Variants in EVI5L observed in about 807,000 individuals in gnomAD.
EVI5L encodes the protein EVI5-like protein.
In EVI5L, 30 loss-of-function variants were observed where a neutral mutation model predicts 106.1. That is an observed-to-expected ratio of 0.28 (90% CI 0.21 to 0.38). EVI5L has a LOEUF of 0.38. Ranked by LOEUF, EVI5L falls within the 10% of genes least tolerant of loss-of-function variation. EVI5L has a pLI of 1.00. For missense variants in EVI5L, 809 were observed against 1,098.0 expected, an observed-to-expected ratio of 0.74 and a Z score of 3.72; for synonymous variants, 489 against 483.3, an observed-to-expected ratio of 1.01 and a Z score of -0.15.
chr19:7,846,712 T>A (rs1488156775), intron 2 of EVI5L, 33 bp downstream of exon 2: 1 of 1,604,142 alleles, frequency 6.2e-7, no homozygotes, highest in East Asian at 2.2e-5. Context: ...GGGTGAAATC[T>A]TGGGGTGCAG....
intron 10 of EVI5L, among the ~76,000 whole-genome samples, chr19:7,854,281 CAA>C (rs56186481): frequency 1.5e-4 from 14 of 94,724 alleles, no homozygotes; most frequent in East Asian, 3.4e-4. Flanking sequence ...GACTGTGTCT[CAA>C]AAAAAAAAAA....
Position 7,862,368 on chromosome 19 carries a change from T to G in EVI5L, c.1801-20T>G. The stretch of plus-strand genomic sequence containing the variant: ...CCCTGACCGCCGCCGTCCTCCGTCC[T>G]CCCTTCCTCCCTATCCCAGGACCAC... On this transcript the variant is annotated intron_variant, in intron 16 of 19. Transcript: ENST00000538904. 6.3e-7 allele frequency: 1 copy of G among 1,587,600 alleles called. No homozygotes were observed. Among genetic ancestry groups the G allele is most frequent in the Non-Finnish European group, 8.6e-7 (1 of 1,165,670 alleles).
chr19:7,848,052 G>C lies in EVI5L; in HGVS notation c.327+131G>C. On this transcript the variant is annotated intron_variant, in intron 3 of 19. Coordinates refer to ENST00000538904, the MANE Select transcript of EVI5L (RefSeq NM_001159944.3). This position sits in a 1 kb window ranked among gnomAD's most constrained non-coding sequence, Gnocchi z 4.8. ...CAGCGGCAGCAGTGGAGATGTGCAG[G>C]CACTTTCAGGGTGTCCTGCCAGAGC... The C allele has an allele frequency of 3.0e-6, 3 of 986,556 alleles. No homozygotes were observed. Among genetic ancestry groups the C allele is most frequent in the Non-Finnish European group, 4.4e-6 (3 of 687,388 alleles). 61.1% of individuals were successfully genotyped at this position (986,556 alleles called of 1,614,324 possible).
chr19:7,849,416 T>A, intron 5 of EVI5L, 86 bp downstream of exon 5: 1 of 1,433,734 alleles, frequency 7.0e-7, no homozygotes, highest in Admixed American at 1.8e-5. Flanking sequence ...AAGTGGCGTG[T>A]CCTCCACCCA....
chr19:7,863,590 G>A lies in EVI5L; in HGVS notation c.2306G>A (p.Arg769His). ...GACGCATTGTACCCTCTGTCCCCGC[G>A]CGATGCGCGCTTCTTCCGCCGTCTG... ...LQDALYPLSP[R>H]DARFFRRLER... The change falls in exon 20 of 20, where the codon CGC becomes CAC. Residue 769 changes from arginine (R) to histidine (H), a missense_variant. Transcript: ENST00000538904. This position sits in a 1 kb window ranked among gnomAD's most constrained non-coding sequence, Gnocchi z 7.7. The A allele has an allele frequency of 1.9e-6, 3 of 1,585,748 alleles. No individual in the cohort carries two copies. The highest frequency in any genetic ancestry group is 2.6e-6 in the Non-Finnish European group (3 of 1,166,820).
chr19:7,858,132 C>G lies in EVI5L; in HGVS notation c.1234-59C>G, dbSNP rs1294269739. On this transcript the variant is annotated intron_variant, in intron 12 of 19. Transcript: ENST00000538904. The surrounding 1 kb of genome is among the most constrained non-coding windows in gnomAD (Gnocchi z 5.7). Reference sequence around the variant, plus strand: ...CCTCCCCCTGTGGCGGGAGGCAGGGCCTTGGGTGGGAGCCGAGGGTCACGG... The same window carrying G: ...CCTCCCCCTGTGGCGGGAGGCAGGGGCTTGGGTGGGAGCCGAGGGTCACGG... 1.2e-5 allele frequency: 19 copies of G among 1,527,462 alleles called. No homozygotes were observed. Among genetic ancestry groups the G allele is most frequent in the Non-Finnish European group, 1.7e-5 (19 of 1,134,796 alleles). 94.6% of individuals were successfully genotyped at this position (1,527,462 alleles called of 1,614,324 possible).
At chr19:7,836,644 AT>A (rs573479214) in intron 1 of EVI5L, among the ~76,000 whole-genome samples, 2,244 of 144,354 alleles carry the variant, frequency 0.016, 29 homozygotes, top group Middle Eastern at 0.029. Flanking sequence ...TATTTTTTTC[AT>A]TTTTTTTTTT....
chr19:7,862,911 G>C, intron 17 of EVI5L, 61 bp from the exon 18 acceptor site: 67 of 1,094,262 alleles, frequency 6.1e-5, no homozygotes, highest in South Asian at 2.3e-4. Flanking sequence ...CCGCGGTCCC[G>C]CCCCCTGATG....
chr19:7,858,108 C>T lies in EVI5L; in HGVS notation c.1234-83C>T. ...TTCCCCCCACCTCCACTCTCTGGGC[C>T]TCCCCCTGTGGCGGGAGGCAGGGCC... On this transcript the variant is annotated intron_variant, in intron 12 of 19. Coordinates refer to ENST00000538904, the MANE Select transcript of EVI5L (RefSeq NM_001159944.3). The surrounding 1 kb of genome is among the most constrained non-coding windows in gnomAD (Gnocchi z 5.7). 1.3e-6 allele frequency: 2 copies of T among 1,499,568 alleles called. No homozygotes were observed. The highest frequency in any genetic ancestry group is 2.5e-5 in the East Asian group (1 of 40,420). 92.9% of individuals were successfully genotyped at this position (1,499,568 alleles called of 1,614,324 possible). A position where few individuals can be genotyped will look rare whatever the true frequency, so the allele number is the denominator to read the frequency against.
Position 7,835,929 on chromosome 19 carries a change from A to T in EVI5L, c.-48+5548A>T, listed in dbSNP as rs753610833. Among the ~76,000 whole-genome samples, 4 of 152,012 alleles carry T rather than the reference A, an allele frequency of 2.6e-5. No individual in the cohort carries two copies. The highest frequency in any genetic ancestry group is 9.7e-5 in the African/African-American group (4 of 41,414). ...TCTGTGTCCCTGGTAATCATTAGAC[A>T]TGGAGGAATCAGAAATGGGGGGTAG... On this transcript the variant is annotated intron_variant, in intron 1 of 19. Coordinates refer to ENST00000538904, the MANE Select transcript of EVI5L (RefSeq NM_001159944.3). This position sits in a 1 kb window ranked among gnomAD's most constrained non-coding sequence, Gnocchi z 4.1.
chr19:7,863,029 G>A lies in EVI5L; in HGVS notation c.2005G>A (p.Ala669Thr). The change falls in exon 18 of 20, where the codon GCC becomes ACC. Residue 669 changes from alanine (A) to threonine (T), a missense_variant. Transcript: ENST00000538904. The surrounding 1 kb of genome is among the most constrained non-coding windows in gnomAD (Gnocchi z 7.7). ...GGAGGCGGACAGCATGGCTGCGGTG[G>A]CCGAGATGCGGCAGCGCATTGCCGA... ...LREADSMAAV[A>T]EMRQRIAELE... The A allele has an allele frequency of 2.5e-6, 4 of 1,579,654 alleles. No individual in the cohort carries two copies. The highest frequency in any genetic ancestry group is 3.4e-6 in the Non-Finnish European group (4 of 1,170,228).
At chr19:7,851,909 C>G in intron 8 of EVI5L, 139 bp downstream of exon 8, 1 of 740,462 alleles carries the variant, frequency 1.4e-6, no homozygotes, top group Non-Finnish European at 2.0e-6. Context: ...CTGTTCCCAT[C>G]CACTCTGTTC....
chr19:7,855,957 G>A (rs562877968), intron 10 of EVI5L, 58 bp from the exon 11 acceptor site: 18 of 1,309,808 alleles, frequency 1.4e-5, no homozygotes, highest in Admixed American at 3.1e-5. Context: ...TAAATGAGGG[G>A]TGCATGTAGA....
At position 7,857,152 on chromosome 19, in the gene EVI5L, G is replaced by C; in HGVS notation, c.1233+28G>C. On this transcript the variant is annotated intron_variant, in intron 12 of 19. Transcript: ENST00000538904. The surrounding 1 kb of genome is among the most constrained non-coding windows in gnomAD (Gnocchi z 4.5). ...ACTGTAGCTTTTTATCCCCTCTCCG[G>C]ATTCCTTCCTGGCCCCTTCCCTGCA... The C allele has an allele frequency of 6.4e-7, 1 of 1,551,276 alleles. No homozygotes were observed. Among genetic ancestry groups the C allele is most frequent in the African/African-American group, 1.4e-5 (1 of 73,144 alleles).
chr19:7,853,144 A>G lies in EVI5L; in HGVS notation c.1046A>G (p.Lys349Arg), dbSNP rs748363489. Residue 349 changes from lysine to arginine, a missense_variant, in exon 9 of 20, where the codon AAA (lysine) becomes AGA (arginine). Lys to Arg is a conservative substitution (Grantham distance 26). This residue lies in a region of EVI5L where 357 missense variants were observed against 588.1 expected (regional missense o/e 0.61). Coordinates refer to ENST00000538904, the MANE Select transcript of EVI5L (RefSeq NM_001159944.3). ...AGCTGCCCGGACAAGCTGGTCCTCA[A>G]AGCCTACCAGGTCAAGTACAACCCC... ...FDSCPDKLVLKAYQVKYNPKK... is the reference protein window; with the variant it reads ...FDSCPDKLVLRAYQVKYNPKK... The G allele has an allele frequency of 3.1e-6, 5 of 1,614,026 alleles. No individual in the cohort carries two copies. In the South Asian group the frequency reaches 5.5e-5, roughly 18 times the overall value.
intron 1 of EVI5L, among the ~76,000 whole-genome samples, chr19:7,839,258 G>T (rs1044231147): frequency 2.7e-5 from 4 of 148,056 alleles, no homozygotes; most frequent in African/African-American, 1.0e-4. Context: ...AGCCGAGATC[G>T]CGCCACTGCA....
intron 10 of EVI5L, chr19:7,853,571 G>A (rs955569201): frequency 1.1e-4 from 64 of 592,270 alleles, no homozygotes; most frequent in Non-Finnish European, 1.7e-4. Flanking sequence ...GCCCCGCTGG[G>A]CCGCCCAGCG....
Position 7,848,006 on chromosome 19 carries a change from T to C in EVI5L, c.327+85T>C. On this transcript the variant is annotated intron_variant, in intron 3 of 19. Coordinates refer to ENST00000538904, the MANE Select transcript of EVI5L (RefSeq NM_001159944.3). The surrounding 1 kb of genome is among the most constrained non-coding windows in gnomAD (Gnocchi z 4.8). ...TCAGCCACCAGGCAGCGCCAGGGTC[T>C]GCGGGGCCCCAGCCTGGGCACAGCG... 1 of 1,429,376 alleles carries C rather than the reference T, an allele frequency of 7.0e-7. No individual in the cohort carries two copies. The highest frequency in any genetic ancestry group is 9.3e-7 in the Non-Finnish European group (1 of 1,077,208). The allele number at this position is 1,429,376 out of a possible 1,614,324, so 88.5% of individuals were successfully genotyped here.
At chr19:7,862,919 A>T in intron 17 of EVI5L, 53 bp from the exon 18 acceptor site, 12 of 1,103,506 alleles carry the variant, frequency 1.1e-5, no homozygotes, top group East Asian at 2.9e-5. Flanking sequence ...CCGCCCCCTG[A>T]TGCGCCGCGC....
Sources: allele counts gnomAD v4.1 joint callset (sites outside exome capture counted in the v4.1 genomes callset), GRCh38; gene constraint gnomAD v4.1.1; regional missense constraint gnomAD v4.1.1; non-coding constraint Gnocchi (gnomAD v3.1); transcripts MANE v1.5; gene names NCBI Gene and HGNC (gene_info 2026-07-23, HGNC 2026-07-21).